The following DRC5 variants were observed in gnomAD, a reference collection of about 807,000 sequenced individuals.
DRC5 encodes the protein T-complex-associated testis-expressed protein 1.
chr6:44,297,511 G>C, the DRC5 span: 7 of 152,352 alleles, frequency 4.6e-5, no homozygotes, highest in Admixed American at 1.3e-4. Context: ...CCCCGCCACG[G>C]AAAACGCAAC....
the DRC5 span, among the ~76,000 whole-genome samples, chr6:44,281,279 G>T: frequency 1.3e-5 from 2 of 152,180 alleles, no homozygotes; most frequent in East Asian, 3.9e-4. Flanking sequence ...CAATTTAATG[G>T]GTCACAGAAG....
the DRC5 span, chr6:44,279,647 G>A: frequency 7.6e-4 from 116 of 153,038 alleles, 1 homozygote; most frequent in Non-Finnish European, 4.9e-4. Context: ...GGCGTGGCCT[G>A]TAGAACTGGA....
At chr6:44,282,312 A>T in the DRC5 span, 1 of 1,614,192 alleles carries the variant, frequency 6.2e-7, no homozygotes. Flanking sequence ...GTTGAGGGAA[A>T]TGAGGTTGGT....
At chr6:44,282,454 G>A in the DRC5 span, 1 of 1,613,334 alleles carries the variant, frequency 6.2e-7, no homozygotes, top group Non-Finnish European at 8.5e-7. Context: ...TCTCCAATGA[G>A]GTTTTGTGAC....
the DRC5 span, among the ~76,000 whole-genome samples, chr6:44,281,909 T>G: frequency 6.6e-6 from 1 of 152,222 alleles, no homozygotes; most frequent in Non-Finnish European, 1.5e-5. Flanking sequence ...TATTTAGGGT[T>G]AAATATGCTT....
chr6:44,286,048 C>G, the DRC5 span: 1 of 1,614,176 alleles, frequency 6.2e-7, no homozygotes, highest in Non-Finnish European at 8.5e-7. Context: ...ACTCGAAATT[C>G]ATGCCGCAGT....
At chr6:44,287,492 C>T in the DRC5 span, 1 of 1,538,380 alleles carries the variant, frequency 6.5e-7, no homozygotes, top group Non-Finnish European at 8.8e-7. Flanking sequence ...ACAGTCCCCA[C>T]CCACCTAGCC....
chr6:44,295,120 G>T, the DRC5 span, among the ~76,000 whole-genome samples: 21 of 152,156 alleles, frequency 1.4e-4, no homozygotes, highest in African/African-American at 4.8e-4. Context: ...AACCTGTTGG[G>T]CCAGTCAGAG....
the DRC5 span, chr6:44,278,786 G>GA: frequency 1.4e-4 from 22 of 152,198 alleles, no homozygotes; most frequent in African/African-American, 5.3e-4. Context: ...ATGAAAACCA[G>GA]AAAATTAATT....
At chr6:44,288,283 T>C in the DRC5 span, among the ~76,000 whole-genome samples, 108,505 of 152,060 alleles carry the variant, frequency 0.71, 40,009 homozygotes, top group Non-Finnish European at 0.81. Flanking sequence ...TTATGCCTAT[T>C]AATTCATGTG....
chr6:44,294,344 G>A, the DRC5 span, among the ~76,000 whole-genome samples: 2 of 152,122 alleles, frequency 1.3e-5, no homozygotes, highest in African/African-American at 2.4e-5. Context: ...GTTTAAGTGT[G>A]CAGAAATTAC....
the DRC5 span, among the ~76,000 whole-genome samples, chr6:44,297,275 G>A: frequency 6.6e-6 from 1 of 152,326 alleles, no homozygotes; most frequent in East Asian, 1.9e-4. Context: ...TGATGGGAAC[G>A]GACGGCCTTT....
At chr6:44,286,542 C>G in the DRC5 span, 1 of 1,604,142 alleles carries the variant, frequency 6.2e-7, no homozygotes, top group Non-Finnish European at 8.5e-7. Flanking sequence ...TCTTTGGGAA[C>G]AGAGGAAGGA....
the DRC5 span, among the ~76,000 whole-genome samples, chr6:44,288,298 C>T: frequency 6.6e-6 from 1 of 152,148 alleles, no homozygotes; most frequent in Admixed American, 6.5e-5. Flanking sequence ...CATGTGTCCT[C>T]AGAAAAGCCT....
At chr6:44,287,405 T>C in the DRC5 span, 1 of 990,002 alleles carries the variant, frequency 1.0e-6, no homozygotes, top group Admixed American at 2.9e-5. Flanking sequence ...GGAAGGGAAG[T>C]GTTGAGTGGG....
At chr6:44,281,605 G>A in the DRC5 span, among the ~76,000 whole-genome samples, 18 of 152,156 alleles carry the variant, frequency 1.2e-4, no homozygotes, top group Non-Finnish European at 2.1e-4. Flanking sequence ...GACTGGTCTC[G>A]AACTCCTGGC....
the DRC5 span, among the ~76,000 whole-genome samples, chr6:44,297,498 C>T: frequency 1.7e-4 from 26 of 152,210 alleles, no homozygotes; most frequent in African/African-American, 5.1e-4. Context: ...CGGACCGGCG[C>T]TTCCCCGCCA....
the DRC5 span, chr6:44,285,901 A>C: frequency 7.1e-7 from 1 of 1,403,974 alleles, no homozygotes; most frequent in Non-Finnish European, 9.8e-7. Flanking sequence ...GAGGAAGAGG[A>C]GGGGAGAGGG....
the DRC5 span, chr6:44,287,539 A>G: frequency 1.3e-5 from 20 of 1,598,254 alleles, no homozygotes; most frequent in East Asian, 4.3e-4. Context: ...TAAAGCAGGG[A>G]CAGACTCACT....
Sources: gnomAD v4.1 joint callset for allele counts (sites outside exome capture counted in the v4.1 genomes callset) on GRCh38, gnomAD v4.1.1 for gene constraint, MANE v1.5 for transcripts, NCBI Gene and HGNC (gene_info 2026-07-23, HGNC 2026-07-21) for gene names.